The following NKAIN2 variants were observed in gnomAD, a reference collection of about 807,000 sequenced individuals.
NKAIN2 encodes sodium/potassium transporting ATPase interacting 2, also known as sodium/potassium-transporting ATPase subunit beta-1-interacting protein 2.
In NKAIN2, 14 loss-of-function variants were observed where a neutral mutation model predicts 32.6. The observed-to-expected ratio is 0.43, with a 90% CI of 0.28 to 0.67. The LOEUF (loss-of-function observed/expected upper bound fraction) is 0.67, where lower values mean the gene tolerates loss of function less well. Ranked by LOEUF, NKAIN2 falls within the 30% of genes least tolerant of loss-of-function variation. The pLI, the probability that NKAIN2 is intolerant of heterozygous loss-of-function variation, is 0.17. For synonymous variants in NKAIN2, 80 were observed against 87.2 expected (o/e 0.92, Z 0.46); for missense variants, 198 against 258.3 (o/e 0.77, Z 1.60).
chr6:124,653,876 AT>A (rs1385443520), intron 3 of NKAIN2, among the ~76,000 whole-genome samples: 1 of 152,160 alleles, frequency 6.6e-6, no homozygotes, highest in African/African-American at 2.4e-5. Flanking sequence ...AAACAACCCA[AT>A]TTAAAAATGA....
At chr6:123,930,769 A>G (rs1776218449) in intron 1 of NKAIN2, among the ~76,000 whole-genome samples, 1 of 152,202 alleles carries the variant, frequency 6.6e-6, no homozygotes, top group Admixed American at 6.6e-5. Flanking sequence ...TTAGAAAGAT[A>G]CAGAGTAAGT....
At chr6:124,355,981 A>G (rs2115148662) in intron 3 of NKAIN2, among the ~76,000 whole-genome samples, 1 of 152,320 alleles carries the variant, frequency 6.6e-6, no homozygotes, top group East Asian at 1.9e-4. Flanking sequence ...TTCTGTTAGA[A>G]TGCAATTAAC....
At chr6:123,910,499 G>GTGTTTTTTTTTTTTTTTT (rs1491095246) in intron 1 of NKAIN2, among the ~76,000 whole-genome samples, 3 of 81,314 alleles carry the variant, frequency 3.7e-5, no homozygotes, top group African/African-American at 1.5e-4. Context: ...TGCAATGCAT[G>GTGTTTTTTTTTTTTTTTT]TTTTTTTTTT....
intron 1 of NKAIN2, among the ~76,000 whole-genome samples, chr6:123,880,831 A>G (rs1036594942): frequency 5.3e-5 from 8 of 152,216 alleles, no homozygotes; most frequent in East Asian, 1.9e-4. Flanking sequence ...TTCAATTCCT[A>G]TGCAACTGTA....
At chr6:123,959,923 ATATG>A (rs1410526723) in intron 1 of NKAIN2, among the ~76,000 whole-genome samples, 10 of 124,880 alleles carry the variant, frequency 8.0e-5, no homozygotes, top group Admixed American at 5.8e-4. Flanking sequence ...TGTCTTCCAT[ATATG>A]TGTGTGTGTG....
chr6:124,333,503 T>C (rs1277114600), intron 2 of NKAIN2, among the ~76,000 whole-genome samples: 1 of 151,752 alleles, frequency 6.6e-6, no homozygotes, highest in Non-Finnish European at 1.5e-5. Flanking sequence ...CTACTAAAAA[T>C]ACAAAAATTA....
intron 3 of NKAIN2, among the ~76,000 whole-genome samples, chr6:124,402,016 A>C (rs908494032): frequency 3.3e-5 from 5 of 152,174 alleles, no homozygotes; most frequent in African/African-American, 1.2e-4. Context: ...CAAATAATAA[A>C]TACTATCTTA....
intron 1 of NKAIN2, among the ~76,000 whole-genome samples, chr6:124,181,792 C>T (rs1176494179): frequency 2.0e-5 from 3 of 152,164 alleles, no homozygotes; most frequent in Non-Finnish European, 4.4e-5. Context: ...CTGTCCATAT[C>T]ACTATCAGCA....
intron 3 of NKAIN2, among the ~76,000 whole-genome samples, chr6:124,501,749 C>T (rs538193079): frequency 7.8e-4 from 118 of 152,236 alleles, no homozygotes; most frequent in Admixed American, 2.1e-3. Context: ...TTTGTCTCAT[C>T]GCTCCCTTTC....
At chr6:124,621,444 T>C (rs987854301) in intron 3 of NKAIN2, among the ~76,000 whole-genome samples, 6 of 152,202 alleles carry the variant, frequency 3.9e-5, no homozygotes, top group African/African-American at 1.4e-4. Context: ...GTTTCAACAT[T>C]GCCTCCATTC....
intron 3 of NKAIN2, among the ~76,000 whole-genome samples, chr6:124,514,149 G>A (rs1418017747): frequency 2.0e-5 from 3 of 152,176 alleles, no homozygotes; most frequent in African/African-American, 7.2e-5. Flanking sequence ...CATGGGAGAT[G>A]ATTCTACTGG....
intron 3 of NKAIN2, among the ~76,000 whole-genome samples, chr6:124,497,728 C>G (rs543651147): frequency 7.2e-6 from 1 of 139,486 alleles, no homozygotes; most frequent in Non-Finnish European, 1.5e-5. Flanking sequence ...TCAAAGCTTA[C>G]ATAAAAAAAA....
chr6:124,488,500 C>T (rs1440411745), intron 3 of NKAIN2, among the ~76,000 whole-genome samples: 1 of 152,016 alleles, frequency 6.6e-6, no homozygotes, highest in Non-Finnish European at 1.5e-5. Flanking sequence ...ATTATCCACC[C>T]ATTTTCCAGG....
chr6:123,919,178 A>G (rs979300538), intron 1 of NKAIN2, among the ~76,000 whole-genome samples: 18 of 152,152 alleles, frequency 1.2e-4, no homozygotes, highest in African/African-American at 4.1e-4. Flanking sequence ...TGTGTGCTGT[A>G]CATTCTTTAT....
At chr6:124,535,438 C>T (rs1333858923) in intron 3 of NKAIN2, among the ~76,000 whole-genome samples, 1 of 152,142 alleles carries the variant, frequency 6.6e-6, no homozygotes, top group East Asian at 1.9e-4. Flanking sequence ...CACCACTGGC[C>T]TTTAAAGCAT....
At chr6:124,220,962 G>C (rs1791781603) in intron 1 of NKAIN2, among the ~76,000 whole-genome samples, 1 of 152,212 alleles carries the variant, frequency 6.6e-6, no homozygotes, top group Admixed American at 6.5e-5. Context: ...AGAAACTAAA[G>C]CAGTTAACAC....
intron 3 of NKAIN2, among the ~76,000 whole-genome samples, chr6:124,521,882 G>A (rs1202207137): frequency 6.6e-6 from 1 of 151,878 alleles, no homozygotes; most frequent in East Asian, 1.9e-4. Context: ...GTCTGTTTAT[G>A]TCTCGGTGCA....
chr6:124,762,138 A>G (rs1012792794), intron 4 of NKAIN2, among the ~76,000 whole-genome samples: 1 of 152,130 alleles, frequency 6.6e-6, no homozygotes, highest in Non-Finnish European at 1.5e-5. Context: ...TTATTTTCTC[A>G]TAGTTCTGGA....
At chr6:124,462,921 A>G (rs1325240479) in intron 3 of NKAIN2, among the ~76,000 whole-genome samples, 3 of 152,060 alleles carry the variant, frequency 2.0e-5, no homozygotes, top group African/African-American at 7.2e-5. Context: ...GAAAATCTTA[A>G]GCATTTATTC....
Sources: gnomAD v4.1 joint callset for allele counts (sites outside exome capture counted in the v4.1 genomes callset) on GRCh38, gnomAD v4.1.1 for gene constraint, MANE v1.5 for transcripts, NCBI Gene and HGNC (gene_info 2026-07-23, HGNC 2026-07-21) for gene names.